The following CDKN2B-AS1 variants were observed in gnomAD, a reference collection of about 807,000 sequenced individuals.
CDKN2B-AS1 encodes CDKN2B and CDKN2A antisense cis and trans regulatory RNA 1, also known as CDKN2B antisense RNA 1 (non-protein coding).
rs952223508 is a variant in CDKN2B-AS1 at position 21,995,695 on chromosome 9, CAG to C, written n.29+535_29+536del. 3 of 152,552 alleles carry C rather than the reference CAG, an allele frequency of 2.0e-5. No individual in the cohort carries two copies. The highest frequency in any genetic ancestry group is 4.4e-5 in the Non-Finnish European group (3 of 68,284). The allele number at this position is 152,552 out of a possible 1,614,324, so 9.4% of individuals were successfully genotyped here. ...AGAAAGGAGGGGTGAGTCGAGGACACAGGGGCAGCCGGAGAATGCGGAGGAGC... is the reference window on the plus strand; with the variant it reads ...AGAAAGGAGGGGTGAGTCGAGGACACGGGCAGCCGGAGAATGCGGAGGAGC... On this transcript the variant is annotated intron_variant and non_coding_transcript_variant, in intron 1 of 4. Coordinates refer to ENST00000650946, the Ensembl canonical transcript of CDKN2B-AS1. The surrounding 1 kb of genome is among the most constrained non-coding windows in gnomAD (Gnocchi z 5.7).
chr9:22,042,861 C>A (rs1469920454), intron 1 of CDKN2B-AS1, among the ~76,000 whole-genome samples: 7 of 152,038 alleles, frequency 4.6e-5, no homozygotes, highest in African/African-American at 1.7e-4. Context: ...ATACTTAAAC[C>A]CTTCTAATCA....
chr9:22,116,764 T>C (rs1825960391), intron 4 of CDKN2B-AS1, among the ~76,000 whole-genome samples: 1 of 152,196 alleles, frequency 6.6e-6, no homozygotes, highest in African/African-American at 2.4e-5. Flanking sequence ...CTATAGGTCA[T>C]GGAAAGACAT....
chr9:22,089,148 A>G (rs1824971642), intron 4 of CDKN2B-AS1, among the ~76,000 whole-genome samples: 1 of 152,194 alleles, frequency 6.6e-6, no homozygotes, highest in Non-Finnish European at 1.5e-5. Flanking sequence ...GAGCAACAAG[A>G]TTAGGTAGAT....
At position 21,996,190 on chromosome 9, in the gene CDKN2B-AS1, C is replaced by T. The variant is rs887873029; in HGVS notation, n.29+1029C>T. On this transcript the variant is annotated intron_variant and non_coding_transcript_variant, in intron 1 of 4. Transcript: ENST00000650946. This position sits in a 1 kb window ranked among gnomAD's most constrained non-coding sequence, Gnocchi z 5.4. ...AGCGGCAGACTTCTCTTTCCCCATC[C>T]CCCGCCCCATCACTTGACGTTGCTG... Among the ~76,000 whole-genome samples, 5 of 152,180 alleles carry T rather than the reference C, an allele frequency of 3.3e-5. No individual in the cohort carries two copies. Among genetic ancestry groups the T allele is most frequent in the South Asian group, 2.1e-4 (1 of 4,824 alleles).
chr9:22,091,080 G>A (rs1360708443), intron 4 of CDKN2B-AS1, among the ~76,000 whole-genome samples: 2 of 152,152 alleles, frequency 1.3e-5, no homozygotes, highest in South Asian at 2.1e-4. Flanking sequence ...CTATTAAATA[G>A]GGAATCCTTT....
chr9:22,124,960 A>G (rs1019505482), intron 4 of CDKN2B-AS1, among the ~76,000 whole-genome samples: 2 of 152,248 alleles, frequency 1.3e-5, no homozygotes, highest in Admixed American at 6.5e-5. Flanking sequence ...AGCATAAAAC[A>G]TATTTAAACT....
intron 1 of CDKN2B-AS1, among the ~76,000 whole-genome samples, chr9:22,022,611 C>G (rs1349699215): frequency 1.3e-5 from 2 of 152,170 alleles, no homozygotes; most frequent in East Asian, 3.8e-4. Context: ...GCTTGCCGCT[C>G]TGTCTTCTAA....
intron 1 of CDKN2B-AS1, among the ~76,000 whole-genome samples, chr9:22,043,199 T>C (rs761365561): frequency 6.6e-6 from 1 of 152,082 alleles, no homozygotes. Flanking sequence ...TCCAATGTTG[T>C]GAAGGATAAT....
chr9:22,106,609 T>C (rs924441399), intron 4 of CDKN2B-AS1, among the ~76,000 whole-genome samples: 2 of 152,184 alleles, frequency 1.3e-5, no homozygotes, highest in Non-Finnish European at 2.9e-5. Context: ...AAATAATATA[T>C]GTAAATGCCT....
chr9:22,052,645 T>C (rs1047036159), intron 3 of CDKN2B-AS1, among the ~76,000 whole-genome samples: 1 of 152,222 alleles, frequency 6.6e-6, no homozygotes, highest in Non-Finnish European at 1.5e-5. Context: ...TCGTAGAATT[T>C]GGCTGACTGC....
At chr9:22,124,526 CT>C (rs1315803468) in intron 4 of CDKN2B-AS1, among the ~76,000 whole-genome samples, 1 of 152,188 alleles carries the variant, frequency 6.6e-6, no homozygotes, top group Admixed American at 6.5e-5. Flanking sequence ...CTCTCTCTCT[CT>C]TTAATTGTAA....
intron 4 of CDKN2B-AS1, among the ~76,000 whole-genome samples, chr9:22,110,109 T>G (rs1266108092): frequency 2.6e-5 from 4 of 152,206 alleles, no homozygotes; most frequent in African/African-American, 9.6e-5. Flanking sequence ...TATTATTTTA[T>G]GAATAGACCC....
At chr9:22,030,523 T>C (rs1822424972) in intron 1 of CDKN2B-AS1, 1 of 152,106 alleles carries the variant, frequency 6.6e-6, no homozygotes, top group Non-Finnish European at 1.5e-5. Context: ...AGTGACACAA[T>C]GTAAAATTGT....
chr9:22,099,005 G>A (rs1448828430), intron 4 of CDKN2B-AS1, among the ~76,000 whole-genome samples: 1 of 152,200 alleles, frequency 6.6e-6, no homozygotes, highest in Non-Finnish European at 1.5e-5. Context: ...TAGGCAAGAA[G>A]TGCTTTTGAT....
intron 1 of CDKN2B-AS1, chr9:22,008,629 A>G (rs1379301504): frequency 6.3e-7 from 1 of 1,581,326 alleles, no homozygotes; most frequent in Admixed American, 1.7e-5. Context: ...GTCTCTCTTT[A>G]GGATTTTTGC....
chr9:22,035,001 A>G (rs1045864646), intron 1 of CDKN2B-AS1, among the ~76,000 whole-genome samples: 3 of 152,298 alleles, frequency 2.0e-5, no homozygotes, highest in Middle Eastern at 3.4e-3. Context: ...TCTCATATGT[A>G]AAATGGGGAT....
At chr9:22,038,731 C>A (rs1412164558) in intron 1 of CDKN2B-AS1, among the ~76,000 whole-genome samples, 1 of 151,924 alleles carries the variant, frequency 6.6e-6, no homozygotes, top group Non-Finnish European at 1.5e-5. Flanking sequence ...ACCAACAATG[C>A]TGATGCATTT....
At chr9:22,080,791 C>A (rs1333747413) in intron 4 of CDKN2B-AS1, among the ~76,000 whole-genome samples, 4 of 152,184 alleles carry the variant, frequency 2.6e-5, no homozygotes, top group Non-Finnish European at 5.9e-5. Context: ...GGCCACCAGA[C>A]TGCTGGGTCA....
chr9:22,023,555 G>A (rs1190135963), intron 1 of CDKN2B-AS1, among the ~76,000 whole-genome samples: 1 of 151,680 alleles, frequency 6.6e-6, no homozygotes, highest in East Asian at 1.9e-4. Flanking sequence ...ATAATGTGGT[G>A]AAACCCCACC....
Sources: allele counts gnomAD v4.1 joint callset (sites outside exome capture counted in the v4.1 genomes callset), GRCh38; gene constraint gnomAD v4.1.1; non-coding constraint Gnocchi (gnomAD v3.1); transcripts MANE v1.5; gene names NCBI Gene and HGNC (gene_info 2026-07-23, HGNC 2026-07-21).